Variants in DPYD observed in about 807,000 individuals in gnomAD.
The protein encoded by DPYD is dihydropyrimidine dehydrogenase [NADP(+)].
In DPYD, 109 loss-of-function variants were observed where a neutral mutation model predicts 116.2. The observed-to-expected ratio is 0.94, with a 90% CI of 0.80 to 1.10. The LOEUF (loss-of-function observed/expected upper bound fraction) is 1.10, where lower values mean the gene tolerates loss of function less well. Among genes scored for constraint, DPYD ranks in the 50% least tolerant of loss-of-function variants. The pLI, the probability that DPYD is intolerant of heterozygous loss-of-function variation, is 0.00. For synonymous variants in DPYD, 440 were observed against 432.0 expected (o/e 1.02, Z -0.23); for missense variants, 1,302 against 1,254.5 (o/e 1.04, Z -0.57).
At chr1:97,232,359 T>C (rs1434968442) in intron 19 of DPYD, among the ~76,000 whole-genome samples, 1 of 152,230 alleles carries the variant, frequency 6.6e-6, no homozygotes, top group East Asian at 1.9e-4. Flanking sequence ...GAAATTTGAA[T>C]ATGATGGATT....
At chr1:97,670,871 A>G (rs1199542065) in intron 8 of DPYD, among the ~76,000 whole-genome samples, 1 of 152,154 alleles carries the variant, frequency 6.6e-6, no homozygotes. Flanking sequence ...AAACAATGAA[A>G]ATACCAAAAA....
chr1:97,662,777 T>C (rs1413148240), intron 8 of DPYD, among the ~76,000 whole-genome samples: 1 of 152,174 alleles, frequency 6.6e-6, no homozygotes, highest in Non-Finnish European at 1.5e-5. Flanking sequence ...GATGGGGCAA[T>C]GGCAACACCA....
At chr1:97,667,887 T>C (rs549844799) in intron 8 of DPYD, among the ~76,000 whole-genome samples, 20 of 152,088 alleles carry the variant, frequency 1.3e-4, no homozygotes, top group Non-Finnish European at 1.9e-4. Flanking sequence ...TAAAAAAGAA[T>C]AAAATTGTGA....
chr1:97,477,186 C>A (rs1326908901), intron 13 of DPYD, among the ~76,000 whole-genome samples: 3 of 152,128 alleles, frequency 2.0e-5, no homozygotes, highest in Non-Finnish European at 4.4e-5. Flanking sequence ...AGCATTTTAC[C>A]CACAGTAGAA....
At chr1:97,813,324 T>C (rs1668422568) in intron 3 of DPYD, among the ~76,000 whole-genome samples, 1 of 152,130 alleles carries the variant, frequency 6.6e-6, no homozygotes, top group African/African-American at 2.4e-5. Flanking sequence ...GAGAAATGTC[T>C]CAAGCAATAT....
At chr1:97,173,241 T>TACATGTACATATATGCACAC (rs1553227802) in intron 20 of DPYD, among the ~76,000 whole-genome samples, 39 of 124,858 alleles carry the variant, frequency 3.1e-4, no homozygotes, top group South Asian at 4.8e-4. Context: ...TGCGCACACA[T>TACATGTACATATATGCACAC]ATATGTACAT....
intron 19 of DPYD, among the ~76,000 whole-genome samples, chr1:97,223,020 C>G (rs1333977748): frequency 6.6e-6 from 1 of 151,920 alleles, no homozygotes; most frequent in Non-Finnish European, 1.5e-5. Flanking sequence ...CCTAAAGACA[C>G]CCGTCAGTAA....
chr1:97,323,366 G>GTGTATATGTACACGTATA lies in DPYD; in HGVS notation c.2059-17070_2059-17069insTATACGTGTACATATACA, dbSNP rs1558029806. Among the ~76,000 whole-genome samples, 77 of 58,824 alleles carry GTGTATATGTACACGTATA rather than the reference G, an allele frequency of 1.3e-3. 15 individuals carry two copies. The East Asian group carries it at 0.028, about 21-fold the overall frequency. 38.6% of individuals were successfully genotyped at this position (58,824 alleles called of 152,430 possible). A position where few individuals can be genotyped will look rare whatever the true frequency, so the allele number is the denominator to read the frequency against. On this transcript the variant is annotated intron_variant, in intron 16 of 22. Coordinates refer to ENST00000370192, the MANE Select transcript of DPYD (RefSeq NM_000110.4). ...TATACATGTGTATATGTACACGTAT[G>GTGTATATGTACACGTATA]TATACATGTGTATATGTACACGTAT...
At chr1:97,534,419 A>G (rs555828976) in intron 12 of DPYD, among the ~76,000 whole-genome samples, 45 of 152,302 alleles carry the variant, frequency 3.0e-4, no homozygotes, top group African/African-American at 9.6e-4. Context: ...TGGAACTCAA[A>G]AAAAGAGAAA....
intron 2 of DPYD, among the ~76,000 whole-genome samples, chr1:97,830,540 G>C (rs1669486781): frequency 6.6e-6 from 1 of 152,008 alleles, no homozygotes; most frequent in Non-Finnish European, 1.5e-5. Flanking sequence ...GGTGAACTCT[G>C]TCTCTACTAA....
intron 20 of DPYD, among the ~76,000 whole-genome samples, chr1:97,178,888 C>G (rs1482328132): frequency 3.3e-5 from 5 of 152,208 alleles, no homozygotes; most frequent in South Asian, 4.1e-4. Flanking sequence ...ATCTGACCAT[C>G]TAGGCCATCC....
chr1:97,286,440 G>A (rs1665689632), intron 18 of DPYD, among the ~76,000 whole-genome samples: 1 of 152,066 alleles, frequency 6.6e-6, no homozygotes, highest in African/African-American at 2.4e-5. Flanking sequence ...GGCGTTCTCT[G>A]TATTTCCTGA....
chr1:97,407,065 A>T (rs1188276134), intron 14 of DPYD, among the ~76,000 whole-genome samples: 1 of 152,184 alleles, frequency 6.6e-6, no homozygotes, highest in Non-Finnish European at 1.5e-5. Context: ...CCAATTATAA[A>T]CTTCCTTTCA....
intron 12 of DPYD, chr1:97,546,140 G>A: frequency 7.1e-7 from 1 of 1,416,986 alleles, no homozygotes; most frequent in Non-Finnish European, 1.0e-6. Flanking sequence ...AAAAGGAGCA[G>A]TCCTTCTGTG....
chr1:97,672,927 G>T (rs1456521296), intron 8 of DPYD, among the ~76,000 whole-genome samples: 1 of 151,904 alleles, frequency 6.6e-6, no homozygotes, highest in Non-Finnish European at 1.5e-5. Context: ...TTTTCTGATG[G>T]TAACTAAAAG....
At chr1:97,102,763 T>C (rs1650836862) in intron 20 of DPYD, among the ~76,000 whole-genome samples, 1 of 151,982 alleles carries the variant, frequency 6.6e-6, no homozygotes, top group African/African-American at 2.4e-5. Context: ...TCATTGTTAT[T>C]AATTTTGTAA....
chr1:97,100,982 G>T (rs1473950862), intron 20 of DPYD, among the ~76,000 whole-genome samples: 1 of 151,832 alleles, frequency 6.6e-6, no homozygotes, highest in Admixed American at 6.6e-5. Context: ...TTTATAATTA[G>T]TCCTAAAGAG....
At chr1:97,261,371 A>G (rs1663862655) in intron 18 of DPYD, among the ~76,000 whole-genome samples, 1 of 151,966 alleles carries the variant, frequency 6.6e-6, no homozygotes, top group African/African-American at 2.4e-5. Context: ...AATCACATCT[A>G]TCCAAAATTA....
chr1:97,368,088 A>G (rs1671131744), intron 16 of DPYD, among the ~76,000 whole-genome samples: 1 of 152,098 alleles, frequency 6.6e-6, no homozygotes, highest in East Asian at 1.9e-4. Context: ...ATAAATTCCA[A>G]GCAGAAGGAA....
Sources: allele counts gnomAD v4.1 joint callset (sites outside exome capture counted in the v4.1 genomes callset), GRCh38; gene constraint gnomAD v4.1.1; transcripts MANE v1.5; gene names NCBI Gene and HGNC (gene_info 2026-07-23, HGNC 2026-07-21).